CNTNAP2: variants seen among roughly 807,000 people sequenced by gnomAD.
The protein encoded by CNTNAP2 is contactin-associated protein-like 2.
CNTNAP2 carries 98 observed loss-of-function variants against 155.2 expected under a neutral mutation model. The ratio of observed to expected loss-of-function variants is 0.63; its 90% CI spans 0.54 to 0.75. The LOEUF (loss-of-function observed/expected upper bound fraction) is 0.75, where lower values mean the gene tolerates loss of function less well. Ranked by LOEUF, CNTNAP2 falls within the 30% of genes least tolerant of loss-of-function variation. The probability of loss-of-function intolerance (pLI) is 0.00; values close to 1 mark genes in which losing one functional copy is unlikely to be tolerated. For synonymous variants in CNTNAP2, 651 were observed against 631.2 expected, an observed-to-expected ratio of 1.03 and a Z score of -0.47; for missense variants, 1,727 against 1,688.1, an observed-to-expected ratio of 1.02 and a Z score of -0.40.
rs750898167 is a variant in CNTNAP2, at chr7:146,438,137, T to C, written c.97+321164T>C. On this transcript the variant is annotated intron_variant, in intron 1 of 23. Coordinates refer to ENST00000361727, the MANE Select transcript of CNTNAP2 (RefSeq NM_014141.6). ...TTGGTCATATGCTATACATTATACA[T>C]ATGTATATCTTACTAGCAAGCCCGG... is the stretch of plus-strand genomic sequence containing the variant. 8.6e-5 allele frequency among the ~76,000 whole-genome samples: 13 copies of C among 151,488 alleles called. 1 individual carries two copies. The highest frequency in any genetic ancestry group is 1.5e-4 in the African/African-American group (6 of 40,774).
At chr7:148,237,966 C>T (rs1293989668) in intron 20 of CNTNAP2, among the ~76,000 whole-genome samples, 1 of 152,162 alleles carries the variant, frequency 6.6e-6, no homozygotes, top group Non-Finnish European at 1.5e-5. Context: ...TCTTACATAT[C>T]GAAATGCTTG....
intron 8 of CNTNAP2, among the ~76,000 whole-genome samples, chr7:147,232,627 T>G (rs889148599): frequency 2.0e-5 from 3 of 152,148 alleles, no homozygotes; most frequent in African/African-American, 7.2e-5. Context: ...AACTGGATAT[T>G]CATATGTAAA....
At chr7:146,638,169 C>T (rs888478981) in intron 1 of CNTNAP2, among the ~76,000 whole-genome samples, 2 of 152,134 alleles carry the variant, frequency 1.3e-5, no homozygotes, top group African/African-American at 2.4e-5. Flanking sequence ...ACTGACTGAA[C>T]TAAAGGGGCG....
At position 147,251,023 on chromosome 7, in the gene CNTNAP2, C is replaced by T. The variant is rs113699551; in HGVS notation, c.1349-49118C>T. 7.7e-3 allele frequency among the ~76,000 whole-genome samples: 1,166 copies of T among 152,266 alleles called. 19 individuals carry two copies. The highest frequency in any genetic ancestry group is 0.027 in the African/African-American group (1,104 of 41,556). On this transcript the variant is annotated intron_variant, in intron 8 of 23. Transcript: ENST00000361727. The stretch of plus-strand genomic sequence containing the variant: ...TAAGTAGCTCCATCTTAGAAAAAGA[C>T]TCCATCTTACATTTTAAAAGCCATC...
intron 14 of CNTNAP2, among the ~76,000 whole-genome samples, chr7:147,967,935 T>C (rs1344889609): frequency 1.3e-5 from 2 of 152,202 alleles, no homozygotes; most frequent in African/African-American, 4.8e-5. Flanking sequence ...TTCAAGAGCA[T>C]TCAAGGAGCT....
At chr7:146,939,434 G>A (rs1028233551) in intron 3 of CNTNAP2, among the ~76,000 whole-genome samples, 7 of 152,268 alleles carry the variant, frequency 4.6e-5, no homozygotes, top group Admixed American at 6.5e-5. Context: ...TAATGAAGGC[G>A]ACATTAAAAC....
intron 3 of CNTNAP2, among the ~76,000 whole-genome samples, chr7:147,022,604 CAT>C (rs1178894378): frequency 4.7e-4 from 56 of 119,876 alleles, no homozygotes; most frequent in African/African-American, 1.9e-3. Flanking sequence ...TACACAAACA[CAT>C]GGTTTTTTTT....
chr7:147,118,924 A>G (rs899826001), intron 5 of CNTNAP2, among the ~76,000 whole-genome samples: 4 of 152,194 alleles, frequency 2.6e-5, no homozygotes, highest in Non-Finnish European at 5.9e-5. Context: ...ATTACATTTC[A>G]CTTGTTTCTT....
chr7:147,851,875 G>C (rs921194459), intron 13 of CNTNAP2, among the ~76,000 whole-genome samples: 1 of 151,926 alleles, frequency 6.6e-6, no homozygotes. Context: ...AAACCTGCAC[G>C]TTGTGCATAT....
intron 3 of CNTNAP2, among the ~76,000 whole-genome samples, chr7:146,899,319 A>T (rs542127758): frequency 3.3e-5 from 5 of 152,256 alleles, no homozygotes; most frequent in Non-Finnish European, 7.4e-5. Flanking sequence ...AGACAAGTTT[A>T]TTGGACTTTT....
chr7:147,126,701 G>A (rs566518904), intron 6 of CNTNAP2, among the ~76,000 whole-genome samples: 35 of 152,274 alleles, frequency 2.3e-4, no homozygotes, highest in African/African-American at 8.2e-4. Context: ...TCGAACTCCT[G>A]ATCTCAGGTG....
intron 1 of CNTNAP2, among the ~76,000 whole-genome samples, chr7:146,191,113 A>G (rs1037647410): frequency 2.2e-5 from 3 of 136,176 alleles, no homozygotes; most frequent in Non-Finnish European, 3.2e-5. Flanking sequence ...CTTTTCAGAT[A>G]TCGGGGGAAC....
At chr7:147,357,761 A>G (rs886181963) in intron 9 of CNTNAP2, among the ~76,000 whole-genome samples, 4 of 152,006 alleles carry the variant, frequency 2.6e-5, no homozygotes, top group African/African-American at 7.2e-5. Flanking sequence ...TCCTCCCTCT[A>G]AACTTCATAC....
chr7:147,661,220 G>A (rs530091126), intron 13 of CNTNAP2, among the ~76,000 whole-genome samples: 32 of 151,988 alleles, frequency 2.1e-4, no homozygotes, highest in East Asian at 1.5e-3. Flanking sequence ...TATTTCCATC[G>A]AATATTTGGT....
intron 1 of CNTNAP2, among the ~76,000 whole-genome samples, chr7:146,482,320 A>G (rs1224649278): frequency 6.6e-6 from 1 of 151,484 alleles, no homozygotes; most frequent in East Asian, 1.9e-4. Context: ...AAGGGCATGT[A>G]TTCATTTTGG....
intron 1 of CNTNAP2, among the ~76,000 whole-genome samples, chr7:146,273,086 AAGAGAGAGAG>A (rs58582637): frequency 2.2e-5 from 3 of 138,006 alleles, no homozygotes; most frequent in African/African-American, 8.7e-5. Flanking sequence ...GAGAAAGAGA[AAGAGAGAGAG>A]AGAGAGAGAG....
intron 21 of CNTNAP2, among the ~76,000 whole-genome samples, chr7:148,293,918 G>A (rs576949983): frequency 2.0e-5 from 3 of 151,476 alleles, no homozygotes; most frequent in East Asian, 1.9e-4. Context: ...TACTATAATC[G>A]CAGCTACTCG....
chr7:146,458,426 G>A (rs1396878414), intron 1 of CNTNAP2, among the ~76,000 whole-genome samples: 2 of 152,098 alleles, frequency 1.3e-5, no homozygotes, highest in Admixed American at 1.3e-4. Flanking sequence ...ACGCAGGAAT[G>A]TACAATAACA....
At chr7:147,515,699 C>T (rs994757600) in intron 11 of CNTNAP2, among the ~76,000 whole-genome samples, 9 of 152,268 alleles carry the variant, frequency 5.9e-5, no homozygotes, top group East Asian at 5.8e-4. Flanking sequence ...ATGTTAATTA[C>T]ATGAGTTCAG....
Sources: allele counts gnomAD v4.1 joint callset (sites outside exome capture counted in the v4.1 genomes callset), GRCh38; gene constraint gnomAD v4.1.1; transcripts MANE v1.5; gene names NCBI Gene and HGNC (gene_info 2026-07-23, HGNC 2026-07-21).